The following EFHC2 variants were observed in gnomAD, a reference collection of about 807,000 sequenced individuals.
The protein encoded by EFHC2 is EF-hand domain-containing family member C2.
Under a neutral mutation model 52.7 loss-of-function variants are expected in EFHC2, and 18 were observed. The ratio of observed to expected loss-of-function variants is 0.34; its 90% CI spans 0.24 to 0.51. The LOEUF (loss-of-function observed/expected upper bound fraction) is 0.51. Ranked by LOEUF, EFHC2 falls within the 20% of genes least tolerant of loss-of-function variation. The pLI, the probability that EFHC2 is intolerant of heterozygous loss-of-function variation, is 0.97. For missense variants in EFHC2, 513 were observed against 562.5 expected (o/e 0.91, Z 0.89); for synonymous variants, 203 against 204.1 (o/e 0.99, Z 0.04).
chrX:44,181,177 C>A (rs1166484289), intron 11 of EFHC2, among the ~76,000 whole-genome samples: 1 of 110,828 alleles, frequency 9.0e-6, no homozygotes, highest in Admixed American at 9.6e-5. Context: ...AGTATGATCC[C>A]AGTGAAAAAT....
intron 11 of EFHC2, among the ~76,000 whole-genome samples, chrX:44,181,243 A>C (rs1215779251): frequency 8.9e-6 from 1 of 111,777 alleles, no homozygotes; most frequent in African/African-American, 3.3e-5. Context: ...TGCATGCCAA[A>C]ACATCAATAG....
chrX:44,183,677 A>C (rs1416501087), intron 11 of EFHC2, among the ~76,000 whole-genome samples: 1 of 112,030 alleles, frequency 8.9e-6, no homozygotes, highest in Non-Finnish European at 1.9e-5. Flanking sequence ...TGGCCACTTC[A>C]CTTTGGCTTC....
rs998041336 is a variant in EFHC2, at chrX:44,343,659, G to A, written c.-71C>T. ...GCAGGCAGCGGCGCCTCCCGGCCGT[G>A]TTGTTTGGCCCCCACGTTGCCTGGA... On this transcript the variant is annotated 5_prime_UTR_variant, in exon 1 of 15. Transcript: ENST00000420999. The A allele has an allele frequency of 9.1e-7, 1 of 1,102,623 alleles. No individual in the cohort carries two copies. The highest frequency in any genetic ancestry group is 1.8e-5 in the African/African-American group (1 of 54,224). 90.9% of individuals were successfully genotyped at this position (1,102,623 alleles called of 1,213,427 possible). A position where few individuals can be genotyped will look rare whatever the true frequency, so the allele number is the denominator to read the frequency against.
At chrX:44,182,613 C>G (rs1417152406) in intron 11 of EFHC2, among the ~76,000 whole-genome samples, 1 of 112,117 alleles carries the variant, frequency 8.9e-6, no homozygotes, top group Non-Finnish European at 1.9e-5. Flanking sequence ...AAATGTCATA[C>G]TGAACTTGAA....
At chrX:44,253,281 A>G (rs748166645) in intron 4 of EFHC2, among the ~76,000 whole-genome samples, 1 of 108,448 alleles carries the variant, frequency 9.2e-6, no homozygotes, top group Admixed American at 9.9e-5. Context: ...CACCAGTGAG[A>G]CAGAACTGCT....
At chrX:44,309,536 T>C (rs2037929754) in intron 2 of EFHC2, 1 of 1,202,524 alleles carries the variant, frequency 8.3e-7, no homozygotes, top group South Asian at 1.8e-5. Context: ...GTGCAATTCA[T>C]CCCAATGAGC....
rs764568479 is a variant in EFHC2, at chrX:44,151,230, T to C, written c.2149-2334A>G. 1.3e-4 allele frequency among the ~76,000 whole-genome samples: 14 copies of C among 111,765 alleles called. No individual in the cohort carries two copies. The South Asian group carries it at 5.3e-3, about 43-fold the overall frequency. ...TTTAAGCAACTCAGTCTGTGGTACT[T>C]TGTGAGGGCATCACTAGGAAACTAA... On this transcript the variant is annotated intron_variant, in intron 14 of 14. Coordinates refer to ENST00000420999, the MANE Select transcript of EFHC2 (RefSeq NM_025184.4).
chrX:44,165,366 A>G (rs1202971223), intron 13 of EFHC2, among the ~76,000 whole-genome samples: 1 of 111,724 alleles, frequency 9.0e-6, no homozygotes, highest in Non-Finnish European at 1.9e-5. Flanking sequence ...TCTTTGGCCA[A>G]GGATTCTAAG....
chrX:44,310,310 G>A (rs1569306001), intron 2 of EFHC2: 2 of 944,675 alleles, frequency 2.1e-6, no homozygotes, highest in East Asian at 6.3e-5. Flanking sequence ...TTTTCGGCTC[G>A]CGGGCTCCTG....
rs866335437 is a variant in EFHC2, at chrX:44,250,408, G to T, written c.644C>A (p.Ser215Tyr). The T allele has an allele frequency of 8.3e-7, 1 of 1,207,249 alleles. No homozygotes were observed. Among genetic ancestry groups the T allele is most frequent in the African/African-American group, 1.8e-5 (1 of 57,048 alleles). Reference protein sequence around the residue: ...EHVEPLRPYESLDTLKQFLQY... With the variant: ...EHVEPLRPYEYLDTLKQFLQY... ...GAGGAACTGTTTCAGGGTGTCGAGG[G>T]ATTCGTAGGGACGTAAGGGCTCTAC... is the stretch of plus-strand genomic sequence containing the variant. The change falls in exon 5 of 15, where the codon TCC (serine) becomes TAC (tyrosine). Residue 215 changes from serine (S) to tyrosine (Y), a missense_variant. Physicochemically the swap from Ser to Tyr is moderately radical, Grantham distance 144. Coordinates refer to ENST00000420999, the MANE Select transcript of EFHC2 (RefSeq NM_025184.4).
intron 2 of EFHC2, among the ~76,000 whole-genome samples, chrX:44,303,303 T>C (rs1013370739): frequency 9.0e-6 from 1 of 111,417 alleles, no homozygotes; most frequent in African/African-American, 3.3e-5. Context: ...AAATGAACCT[T>C]GTCCAGCCAT....
intron 4 of EFHC2, among the ~76,000 whole-genome samples, chrX:44,253,618 C>T (rs183300774): frequency 3.2e-4 from 36 of 112,192 alleles, no homozygotes; most frequent in African/African-American, 1.2e-3. Context: ...AGGCAGCAGC[C>T]CCAGTCACAG....
At chrX:44,199,401 T>C (rs2036990286) in intron 11 of EFHC2, among the ~76,000 whole-genome samples, 1 of 112,808 alleles carries the variant, frequency 8.9e-6, no homozygotes, top group African/African-American at 3.2e-5. Flanking sequence ...ATTTTTTCTT[T>C]ATACATTACC....
At chrX:44,235,150 T>G (rs182517161) in intron 9 of EFHC2, among the ~76,000 whole-genome samples, 155 bp downstream of exon 9, 268 of 111,155 alleles carry the variant, frequency 2.4e-3, no homozygotes, top group African/African-American at 8.4e-3. Context: ...ATTTAAGAGA[T>G]CTGTAAAAAG....
rs1172957083 is a variant in EFHC2 at position 44,261,107 on chromosome X, G to T, written c.574C>A (p.Pro192Thr). 4.1e-6 allele frequency: 5 copies of T among 1,210,732 alleles called. No homozygotes were observed. The highest frequency in any genetic ancestry group is 5.6e-6 in the Non-Finnish European group (5 of 894,827). The change falls in exon 4 of 15, where the codon CCA becomes ACA. Residue 192 changes from proline to threonine, a missense_variant. Pro to Thr is a conservative substitution (Grantham distance 38). Coordinates refer to ENST00000420999, the MANE Select transcript of EFHC2 (RefSeq NM_025184.4). ...CGAATCTTCATGTAAGGATCTTCTG[G>T]ACATTGCACTGGGGGATTCACTTTG... ...GVKVNPPVQCPEDPYMKIRRE... is the reference protein window; with the variant it reads ...GVKVNPPVQCTEDPYMKIRRE...
chrX:44,336,262 C>T (rs1410717244), intron 1 of EFHC2, among the ~76,000 whole-genome samples: 2 of 109,462 alleles, frequency 1.8e-5, no homozygotes, highest in Non-Finnish European at 3.8e-5. Context: ...TGGCACACAC[C>T]TGTAATCTCA....
chrX:44,248,559 T>C (rs746090141), intron 6 of EFHC2, 149 bp from the exon 7 acceptor site: 45 of 714,122 alleles, frequency 6.3e-5, no homozygotes, highest in Non-Finnish European at 8.0e-5. Context: ...AACCAGTTGA[T>C]GTTAATATTC....
intron 1 of EFHC2, 67 bp downstream of exon 1, chrX:44,343,480 G>A: frequency 1.7e-6 from 2 of 1,152,377 alleles, no homozygotes; most frequent in South Asian, 3.8e-5. Flanking sequence ...AGGTGGCCAC[G>A]CCACGACCCT....
At chrX:44,309,615 T>G (rs2037931136) in intron 2 of EFHC2, 2 of 1,156,090 alleles carry the variant, frequency 1.7e-6, no homozygotes, top group Non-Finnish European at 1.2e-6. Context: ...TTTCTCTCAC[T>G]TTCTCCTCCG....
Sources: gnomAD v4.1 joint callset for allele counts (sites outside exome capture counted in the v4.1 genomes callset) on GRCh38, gnomAD v4.1.1 for gene constraint, MANE v1.5 for transcripts, NCBI Gene and HGNC (gene_info 2026-07-23, HGNC 2026-07-21) for gene names.